Variants in RYR1 observed in about 807,000 individuals in gnomAD.
RYR1 encodes ryanodine receptor 1, also known as central core disease of muscle.
Under a neutral mutation model 583.5 loss-of-function variants are expected in RYR1, and 342 were observed. The observed-to-expected ratio is 0.59, with a 90% CI of 0.54 to 0.64. The LOEUF (loss-of-function observed/expected upper bound fraction) is 0.64. Ranked by LOEUF, RYR1 falls within the 30% of genes least tolerant of loss-of-function variation. The pLI is 0.00. For synonymous variants in RYR1, 2,791 were observed against 2,822.5 expected, an observed-to-expected ratio of 0.99 and a Z score of 0.35; for missense variants, 6,032 against 6,917.2, an observed-to-expected ratio of 0.87 and a Z score of 4.54.
rs151313865 is a variant in RYR1 at position 38,494,575 on chromosome 19, C to T, written c.6498C>T (p.Leu2166=). The T allele has an allele frequency of 1.2e-3, 1,949 of 1,614,152 alleles. 11 individuals carry two copies. In the African/African-American group the frequency reaches 0.022, roughly 18 times the overall value. Residue 2166 remains leucine (L), a synonymous_variant, in exon 39 of 106, where the codon CTC becomes CTT. Transcript: ENST00000359596. ...GCCTCGGCCAGATCCGCTCGCTGCT[C>T]ATCGTGCAGATGGGCCCCCAGGAGG... is the stretch of plus-strand genomic sequence containing the variant. ...LECLGQIRSL[L]IVQMGPQEEN...
At chr19:38,454,856 T>TG (rs749977064) in intron 13 of RYR1, among the ~76,000 whole-genome samples, 1 of 151,452 alleles carries the variant, frequency 6.6e-6, no homozygotes, top group Non-Finnish European at 1.5e-5. Flanking sequence ...GAGAATGAAC[T>TG]GGGCCTCTCC....
At position 38,512,900 on chromosome 19, in the gene RYR1, C is replaced by T. The variant is rs1970794932; in HGVS notation, c.9472+417C>T. Among the ~76,000 whole-genome samples, 3 of 152,156 alleles carry T rather than the reference C, an allele frequency of 2.0e-5. No individual in the cohort carries two copies. The South Asian group carries it at 6.2e-4, about 31-fold the overall frequency. The stretch of plus-strand genomic sequence containing the variant: ...CTGACAAGGGAGGATCACTTGAGTC[C>T]AAGAGTTGGAGGCTGCAATGAGCTA... On this transcript the variant is annotated intron_variant, in intron 63 of 105. Transcript: ENST00000359596. The surrounding 1 kb of genome is among the most constrained non-coding windows in gnomAD (Gnocchi z 5.1).
At chr19:38,527,894 C>T (rs1180789303) in intron 73 of RYR1, 110 bp downstream of exon 73, 1 of 1,343,748 alleles carries the variant, frequency 7.4e-7, no homozygotes, top group Non-Finnish European at 1.0e-6. Context: ...AGTTTTGGGG[C>T]AGGGCAGGAG....
rs761884375 is a variant in RYR1 at position 38,566,955 on chromosome 19, G to A, written c.13482G>A (p.Glu4494=). 5 of 1,605,576 alleles carry A rather than the reference G, an allele frequency of 3.1e-6. No individual in the cohort carries two copies. The Admixed American group carries it at 5.1e-5, about 16-fold the overall frequency. Residue 4494 remains glutamate (E), a synonymous_variant, in exon 92 of 106, where the codon GAG becomes GAA. Transcript: ENST00000359596. ...EEELPPEPEP[E]PEPELEPEKA... ...AGCTCCCGCCAGAGCCAGAGCCCGA[G>A]CCGGAACCAGAGCTGGAGCCGGAGA... is the stretch of plus-strand genomic sequence containing the variant.
Position 38,460,551 on chromosome 19 carries a change from C to T in RYR1, c.2537C>T (p.Ser846Leu), listed in dbSNP as rs193922775. ...PHLVGPSRCL[S>L]HTDFVPCPVD... The stretch of plus-strand genomic sequence containing the variant: ...CTGGTGGGCCCCAGTCGCTGCCTCT[C>T]ACACACCGACTTCGTGCCCTGCCCT... The change falls in exon 20 of 106, where the codon TCA (serine) becomes TTA (leucine). Residue 846 changes from serine (S) to leucine (L), a missense_variant. By Grantham distance (145) the Ser-to-Leu change is moderately radical (BLOSUM62 -2). Coordinates refer to ENST00000359596, the MANE Select transcript of RYR1 (RefSeq NM_000540.3). 11 of 1,613,844 alleles carry T rather than the reference C, an allele frequency of 6.8e-6. No individual in the cohort carries two copies. The highest frequency in any genetic ancestry group is 9.3e-6 in the Non-Finnish European group (11 of 1,180,038).
intron 47 of RYR1, 83 bp from the exon 48 acceptor site, chr19:38,502,424 C>T: frequency 7.5e-7 from 1 of 1,338,818 alleles, no homozygotes; most frequent in East Asian, 2.5e-5. Context: ...AGCTTGGATC[C>T]TTTGGCCACA....
intron 65 of RYR1, 112 bp from the exon 66 acceptor site, chr19:38,517,247 T>C (rs117832528): frequency 0.03 from 32,502 of 1,084,706 alleles, 627 homozygotes; most frequent in Middle Eastern, 0.047. Context: ...TTTGGGAGAC[T>C]GTTTAAGGGG....
Position 38,546,443 on chromosome 19 carries a change from A to G in RYR1, c.12013-2A>G, listed in dbSNP as rs986265810. The G allele has an allele frequency of 2.5e-6, 4 of 1,613,758 alleles. No individual in the cohort carries two copies. The highest frequency in any genetic ancestry group is 3.4e-6 in the Non-Finnish European group (4 of 1,179,820). ...CAGCCCTCACCGAGCTGGGATCTCT[A>G]GGACTCAAGCCAGATCGAGCTGCTG... On this transcript the variant is annotated splice_acceptor_variant, in intron 87 of 105. Coordinates refer to ENST00000359596, the MANE Select transcript of RYR1 (RefSeq NM_000540.3). LOFTEE classifies it high-confidence loss of function.
Position 38,468,980 on chromosome 19 carries a change from C to A in RYR1, c.3396C>A (p.His1132Gln). ...VFNGHRGQRW[H>Q]LGSEPFGRPW... The stretch of plus-strand genomic sequence containing the variant: ...TGTCCTCACAGGGCCAGCGCTGGCA[C>A]TTGGGCAGTGAACCATTTGGGCGCC... Residue 1132 changes from histidine (H) to glutamine (Q), a missense_variant, in exon 26 of 106, where the codon CAC (histidine) becomes CAA (glutamine). By Grantham distance (24) the His-to-Gln change is conservative. Transcript: ENST00000359596. 1 of 1,614,154 alleles carries A rather than the reference C, an allele frequency of 6.2e-7. No homozygotes were observed. Among genetic ancestry groups the A allele is most frequent in the Non-Finnish European group, 8.5e-7 (1 of 1,180,022 alleles).
intron 70 of RYR1, 99 bp from the exon 71 acceptor site, chr19:38,525,233 G>C (rs1248652156): frequency 4.3e-6 from 6 of 1,409,180 alleles, no homozygotes; most frequent in Non-Finnish European, 4.0e-6. Flanking sequence ...GGAGTGCCTG[G>C]TGTCCAGACT....
chr19:38,475,189 C>A, intron 28 of RYR1, 129 bp from the exon 29 acceptor site: 2 of 1,263,414 alleles, frequency 1.6e-6, no homozygotes, highest in Non-Finnish European at 2.2e-6. Flanking sequence ...GGGAATCCAG[C>A]CCTCTAGAGG....
chr19:38,503,930 GGAT>G (rs1467660853), intron 49 of RYR1, among the ~76,000 whole-genome samples: 1 of 152,054 alleles, frequency 6.6e-6, no homozygotes, highest in Non-Finnish European at 1.5e-5. Context: ...ACATACCCAT[GGAT>G]TAATATTAGC....
At chr19:38,510,383 A>G in intron 58 of RYR1, 115 bp from the exon 59 acceptor site, 1 of 1,003,898 alleles carries the variant, frequency 1.0e-6, no homozygotes, top group Non-Finnish European at 1.6e-6. Flanking sequence ...ATGACTTCAT[A>G]CCAATACTTT....
chr19:38,500,775 G>A lies in RYR1; in HGVS notation c.7445-46G>A, dbSNP rs760060180. The A allele has an allele frequency of 7.0e-5, 113 of 1,613,862 alleles. No individual in the cohort carries two copies. The highest frequency in any genetic ancestry group is 4.9e-4 in the Middle Eastern group (3 of 6,084). ...GAAGGAGTGATGCTGGGGAGGGAGC[G>A]GCTGGGTCCGCAGGGCATCCCCGAA... On this transcript the variant is annotated intron_variant, in intron 46 of 105. Coordinates refer to ENST00000359596, the MANE Select transcript of RYR1 (RefSeq NM_000540.3). This position sits in a 1 kb window ranked among gnomAD's most constrained non-coding sequence, Gnocchi z 5.9.
chr19:38,567,630 G>T, intron 92 of RYR1, 143 bp from the exon 93 acceptor site: 2 of 1,192,602 alleles, frequency 1.7e-6, no homozygotes, highest in Admixed American at 2.0e-5. Context: ...GGCAAGTCCT[G>T]ATTATCTCAT....
intron 48 of RYR1, 42 bp downstream of exon 48, chr19:38,502,769 AGGGGC>A: frequency 1.0e-5 from 5 of 479,454 alleles, no homozygotes; most frequent in South Asian, 2.0e-5. Flanking sequence ...GGGCAGGGGC[AGGGGC>A]AGGGGCAGGG....
Position 38,512,751 on chromosome 19 carries a change from C to T in RYR1, c.9472+268C>T, listed in dbSNP as rs578077683. ...GGCTGAGGCAGGAGGACCGCTTGAG[C>T]TCAGGAGTTCAAGACCAGCTTGGGC... is the stretch of plus-strand genomic sequence containing the variant. On this transcript the variant is annotated intron_variant, in intron 63 of 105. Transcript: ENST00000359596. This position sits in a 1 kb window ranked among gnomAD's most constrained non-coding sequence, Gnocchi z 5.1. Among the ~76,000 whole-genome samples, 1 of 151,930 alleles carries T rather than the reference C, an allele frequency of 6.6e-6. No individual in the cohort carries two copies. The highest frequency in any genetic ancestry group is 1.5e-5 in the Non-Finnish European group (1 of 67,956).
At position 38,452,811 on chromosome 19, in the gene RYR1, C is replaced by T. The variant is rs2145379993; in HGVS notation, c.1245-8C>T. On this transcript the variant is annotated splice_polypyrimidine_tract_variant and splice_region_variant and intron_variant, in intron 12 of 105. Transcript: ENST00000359596. ...CAGCCGTGGCTGACAGCTGCGAGGT[C>T]CCTGTAGGAGCCTGGACAGCTTCAG... 1 of 1,578,464 alleles carries T rather than the reference C, an allele frequency of 6.3e-7. No individual in the cohort carries two copies. Among genetic ancestry groups the T allele is most frequent in the Non-Finnish European group, 8.6e-7 (1 of 1,162,322 alleles).
At position 38,561,127 on chromosome 19, in the gene RYR1, G is replaced by C; in HGVS notation, c.12297G>C (p.Gln4099His). ...CCCGCCCCCAGGCCATGGACAGCCA[G>C]AAGCAGTTCAGCGGTCCAGAAATCC... ...KKDFQKAMDS[Q>H]KQFSGPEIQF... The change falls in exon 90 of 106, where the codon CAG (glutamine) becomes CAC (histidine). Residue 4099 changes from glutamine (Q) to histidine (H), a missense_variant. By Grantham distance (24) the Gln-to-His change is conservative. Transcript: ENST00000359596. The surrounding 1 kb of genome is among the most constrained non-coding windows in gnomAD (Gnocchi z 4.8). 8.1e-6 allele frequency: 13 copies of C among 1,613,940 alleles called. No individual in the cohort carries two copies. Among genetic ancestry groups the C allele is most frequent in the Non-Finnish European group, 1.1e-5 (13 of 1,180,008 alleles).
Sources: allele counts gnomAD v4.1 joint callset (sites outside exome capture counted in the v4.1 genomes callset), GRCh38; gene constraint gnomAD v4.1.1; non-coding constraint Gnocchi (gnomAD v3.1); transcripts MANE v1.5; gene names NCBI Gene and HGNC (gene_info 2026-07-23, HGNC 2026-07-21).